Variants in SERPINI1 observed in about 807,000 individuals in gnomAD.
The protein encoded by SERPINI1 is neuroserpin.
Under a neutral mutation model 41.1 loss-of-function variants are expected in SERPINI1, and 19 were observed. The ratio of observed to expected loss-of-function variants is 0.46; its 90% confidence interval spans 0.32 to 0.68. The LOEUF is 0.68. SERPINI1 is among the 30% of genes least tolerant of loss of function. The pLI is 0.03. For missense variants in SERPINI1, 460 were observed against 479.2 expected, an observed-to-expected ratio of 0.96 and a Z score of 0.37; for synonymous variants, 138 against 156.6, an observed-to-expected ratio of 0.88 and a Z score of 0.89.
At chr3:167,789,435 A>G in intron 2 of SERPINI1, 57 bp downstream of exon 2, 14 of 1,594,704 alleles carry the variant, frequency 8.8e-6, no homozygotes, top group Non-Finnish European at 1.1e-5. Context: ...TGACTCAGTT[A>G]TGTTGTATTC....
chr3:167,756,030 G>A lies in SERPINI1; in HGVS notation c.-19+20207G>A, dbSNP rs1220935718. 2.6e-5 allele frequency among the ~76,000 whole-genome samples: 4 copies of A among 151,994 alleles called. No homozygotes were observed. In the East Asian group the frequency reaches 7.7e-4, roughly 29 times the overall value. On this transcript the variant is annotated intron_variant, in intron 1 of 8. Coordinates refer to ENST00000446050, the MANE Select transcript of SERPINI1 (RefSeq NM_001122752.2). ...GCACCACTAGAGGCTAATTAACCTG[G>A]TCACTCTCCCCACCCCCTGACCCCT...
In SERPINI1 at chr3:167,784,113, G is replaced by T. The variant is rs554863712; in HGVS notation, c.-18-4998G>T. 2.0e-5 allele frequency among the ~76,000 whole-genome samples: 3 copies of T among 150,894 alleles called. No homozygotes were observed. The East Asian group carries it at 5.8e-4, about 29-fold the overall frequency. On this transcript the variant is annotated intron_variant, in intron 1 of 8. Transcript: ENST00000446050. Reference sequence around the variant, plus strand: ...CCCAGTAAGAAAAACCTGCAGAGCTGCAGGTCCATCTAACATTGCTTTTTT... The same window carrying T: ...CCCAGTAAGAAAAACCTGCAGAGCTTCAGGTCCATCTAACATTGCTTTTTT...
rs1167623703 is a variant in SERPINI1 at position 167,821,102 on chromosome 3, T to C, written c.980-1884T>C. ...AGTTCTCTGAGCTGTTCTGTCACTCTATAAAGCACCTCTTTGCCTTGCTCA... is the reference window on the plus strand; with the variant it reads ...AGTTCTCTGAGCTGTTCTGTCACTCCATAAAGCACCTCTTTGCCTTGCTCA... On this transcript the variant is annotated intron_variant, in intron 6 of 8. Coordinates refer to ENST00000446050, the MANE Select transcript of SERPINI1 (RefSeq NM_001122752.2). Among the ~76,000 whole-genome samples the C allele has an allele frequency of 2.0e-5, 3 of 152,280 alleles. No homozygotes were observed. In the East Asian group the frequency reaches 5.8e-4, roughly 30 times the overall value.
intron 1 of SERPINI1, among the ~76,000 whole-genome samples, chr3:167,772,397 T>A (rs1726785673): frequency 3.9e-5 from 6 of 152,218 alleles, no homozygotes. Flanking sequence ...TGAGGAAATG[T>A]GACCGTACAT....
At chr3:167,818,030 T>TTGG (rs72171028) in intron 6 of SERPINI1, among the ~76,000 whole-genome samples, 1 of 151,900 alleles carries the variant, frequency 6.6e-6, no homozygotes. Flanking sequence ...TGTTTGTTTG[T>TTGG]TTGTTTGTTT....
chr3:167,750,751 A>G (rs1726016847), intron 1 of SERPINI1, among the ~76,000 whole-genome samples: 1 of 152,162 alleles, frequency 6.6e-6, no homozygotes, highest in African/African-American at 2.4e-5. Context: ...TTCAGGTATC[A>G]CCACACAGTA....
At chr3:167,744,623 T>A (rs576744092) in intron 1 of SERPINI1, among the ~76,000 whole-genome samples, 3 of 136,814 alleles carry the variant, frequency 2.2e-5, no homozygotes, top group South Asian at 2.2e-4. Context: ...ATAACTATAT[T>A]TAAATATTTT....
intron 5 of SERPINI1, among the ~76,000 whole-genome samples, chr3:167,797,260 G>A (rs575690196): frequency 1.3e-5 from 2 of 152,062 alleles, no homozygotes; most frequent in Admixed American, 1.3e-4. Flanking sequence ...TTGTCAGATG[G>A]ATAGATTGGA....
chr3:167,775,618 AT>A (rs2108548711), intron 1 of SERPINI1, among the ~76,000 whole-genome samples: 1 of 152,330 alleles, frequency 6.6e-6, no homozygotes, highest in African/African-American at 2.4e-5. Context: ...CATTTTAATA[AT>A]AAAAAATTAG....
intron 1 of SERPINI1, among the ~76,000 whole-genome samples, chr3:167,775,011 G>A (rs567652257): frequency 3.6e-4 from 55 of 152,090 alleles, no homozygotes; most frequent in African/African-American, 1.1e-3. Context: ...TGATGTGTAC[G>A]TATGACTAAC....
At chr3:167,763,490 T>TCAC (rs1219271586) in intron 1 of SERPINI1, among the ~76,000 whole-genome samples, 1 of 151,740 alleles carries the variant, frequency 6.6e-6, no homozygotes, top group Non-Finnish European at 1.5e-5. Context: ...AGCAATCCCC[T>TCAC]CACCTCAGCC....
intron 1 of SERPINI1, among the ~76,000 whole-genome samples, chr3:167,783,734 CA>C (rs1386478902): frequency 1.3e-5 from 2 of 152,108 alleles, no homozygotes; most frequent in Non-Finnish European, 1.5e-5. Context: ...GTAGCAGAGG[CA>C]AAGGAGGGAG....
chr3:167,761,406 T>C (rs1726376920), intron 1 of SERPINI1, among the ~76,000 whole-genome samples: 1 of 152,218 alleles, frequency 6.6e-6, no homozygotes, highest in Non-Finnish European at 1.5e-5. Flanking sequence ...TGTAGTAGCA[T>C]AAAAACTTTA....
At chr3:167,752,524 T>TATCCCTTTTCTATCTTC (rs1419686850) in intron 1 of SERPINI1, among the ~76,000 whole-genome samples, 4 of 152,092 alleles carry the variant, frequency 2.6e-5, no homozygotes, top group South Asian at 2.1e-4. Context: ...ATAATCTAAC[T>TATCCCTTTTCTATCTTC]ATCCCTTTTC....
At chr3:167,790,332 G>A in intron 2 of SERPINI1, 40 bp from the exon 3 acceptor site, 1 of 1,438,530 alleles carries the variant, frequency 7.0e-7, no homozygotes, top group Non-Finnish European at 9.8e-7. Flanking sequence ...ATTTCACCGT[G>A]TTTGTTCTAC....
chr3:167,814,894 CTGCTGTGGCCAGAAGG>C (rs138497496), intron 6 of SERPINI1, among the ~76,000 whole-genome samples: 3,488 of 152,276 alleles, frequency 0.023, 111 homozygotes, highest in African/African-American at 0.08. Context: ...GCAGCACTGT[CTGCTGTGGCCAGAAGG>C]AAAAGGCTGC....
At chr3:167,745,916 A>T (rs1725850005) in intron 1 of SERPINI1, among the ~76,000 whole-genome samples, 1 of 152,276 alleles carries the variant, frequency 6.6e-6, no homozygotes, top group African/African-American at 2.4e-5. Flanking sequence ...ATTAAAGAAG[A>T]CCTAAGTAAA....
At chr3:167,789,582 A>C (rs879699712) in intron 2 of SERPINI1, among the ~76,000 whole-genome samples, 1 of 152,226 alleles carries the variant, frequency 6.6e-6, no homozygotes, top group African/African-American at 2.4e-5. Context: ...AGGAAATTAC[A>C]TCTTTTAAAA....
chr3:167,759,730 A>G (rs755700210), intron 1 of SERPINI1, among the ~76,000 whole-genome samples: 9 of 152,128 alleles, frequency 5.9e-5, no homozygotes, highest in Non-Finnish European at 8.8e-5. Context: ...GCATCACACA[A>G]TATGTCCATG....
Sources: gnomAD v4.1 joint callset for allele counts (sites outside exome capture counted in the v4.1 genomes callset) on GRCh38, gnomAD v4.1.1 for gene constraint, MANE v1.5 for transcripts, NCBI Gene and HGNC (gene_info 2026-07-23, HGNC 2026-07-21) for gene names.